Variants in SLC10A1 observed in about 807,000 individuals in gnomAD.
SLC10A1 encodes the protein hepatic sodium/bile acid cotransporter.
A neutral mutation model predicts 20.5 loss-of-function variants in SLC10A1; 36 were observed. The observed-to-expected ratio is 1.75, with a 90% CI of 1.34 to 2.32. SLC10A1 has a LOEUF of 2.32. Among genes scored for constraint, SLC10A1 ranks in the 30% most tolerant of loss-of-function variants. The pLI, the probability that SLC10A1 is intolerant of heterozygous loss-of-function variation, is 0.00. For missense variants in SLC10A1, 545 were observed against 439.1 expected, an observed-to-expected ratio of 1.24 and a Z score of -2.16; for synonymous variants, 188 against 163.6, an observed-to-expected ratio of 1.15 and a Z score of -1.14.
chr14:69,796,721 G>T, intron 1 of SLC10A1, 79 bp downstream of exon 1: 1 of 1,231,288 alleles, frequency 8.1e-7, no homozygotes, highest in Non-Finnish European at 1.1e-6. Context: ...CCTGGCTTTA[G>T]CCCAGCTCTT....
intron 2 of SLC10A1, among the ~76,000 whole-genome samples, chr14:69,783,224 G>A (rs914232679): frequency 1.3e-5 from 2 of 152,150 alleles, no homozygotes; most frequent in African/African-American, 4.8e-5. Flanking sequence ...TTTATTCTCA[G>A]GCATTAGCTA....
chr14:69,790,047 A>C (rs148119211), intron 1 of SLC10A1, among the ~76,000 whole-genome samples: 201 of 152,226 alleles, frequency 1.3e-3, no homozygotes, highest in African/African-American at 4.6e-3. Context: ...GAGAAAATGA[A>C]GATTTTAAAA....
chr14:69,786,787 G>C (rs1883726574), intron 1 of SLC10A1, among the ~76,000 whole-genome samples: 1 of 152,226 alleles, frequency 6.6e-6, no homozygotes, highest in African/African-American at 2.4e-5. Context: ...ATGGCTTCTT[G>C]TAGTGACTTT....
chr14:69,781,762 T>G (rs1230098531), intron 2 of SLC10A1, among the ~76,000 whole-genome samples: 1 of 152,222 alleles, frequency 6.6e-6, no homozygotes, highest in Non-Finnish European at 1.5e-5. Context: ...AGCCTTTGGA[T>G]AAACCCTTGC....
chr14:69,791,953 ATT>A (rs1233147956), intron 1 of SLC10A1, among the ~76,000 whole-genome samples: 13 of 144,500 alleles, frequency 9.0e-5, no homozygotes, highest in Non-Finnish European at 1.1e-4. Flanking sequence ...TAGACAGTAA[ATT>A]TTTTTTTTTT....
chr14:69,779,959 T>C (rs980547075), intron 2 of SLC10A1, among the ~76,000 whole-genome samples: 1 of 152,220 alleles, frequency 6.6e-6, no homozygotes, highest in African/African-American at 2.4e-5. Context: ...TGATTACAGA[T>C]AGGGATTTTA....
intron 2 of SLC10A1, among the ~76,000 whole-genome samples, chr14:69,780,190 C>T (rs17107278): frequency 0.095 from 14,403 of 152,196 alleles, 2,107 homozygotes; most frequent in African/African-American, 0.31. Context: ...TCATTGGAAA[C>T]TATGCAGGTC....
At chr14:69,784,960 C>T (rs1033122334) in intron 2 of SLC10A1, among the ~76,000 whole-genome samples, 3 of 152,110 alleles carry the variant, frequency 2.0e-5, no homozygotes, top group African/African-American at 7.2e-5. Context: ...AAAATAAAAC[C>T]CCCCTGAAAA....
chr14:69,783,098 C>T (rs1213727621), intron 2 of SLC10A1, among the ~76,000 whole-genome samples: 1 of 151,804 alleles, frequency 6.6e-6, no homozygotes, highest in African/African-American at 2.4e-5. Flanking sequence ...TCTTATGCAC[C>T]CCACAAACTA....
intron 1 of SLC10A1, among the ~76,000 whole-genome samples, chr14:69,791,402 G>A (rs1214468909): frequency 2.0e-5 from 3 of 151,908 alleles, no homozygotes; most frequent in Non-Finnish European, 4.4e-5. Flanking sequence ...CCGGGTTCAC[G>A]CCATTCTCCT....
intron 1 of SLC10A1, among the ~76,000 whole-genome samples, chr14:69,791,369 T>C (rs1356107132): frequency 6.6e-6 from 1 of 152,008 alleles, no homozygotes; most frequent in Non-Finnish European, 1.5e-5. Context: ...GGTGTGATCT[T>C]GGCTCACTGC....
intron 1 of SLC10A1, among the ~76,000 whole-genome samples, chr14:69,795,142 C>T (rs1882364454): frequency 6.6e-6 from 1 of 152,178 alleles, no homozygotes; most frequent in Non-Finnish European, 1.5e-5. Context: ...TGTCCAGAAG[C>T]CAGATCCAAG....
At chr14:69,783,097 C>T (rs562589130) in intron 2 of SLC10A1, among the ~76,000 whole-genome samples, 13 of 152,202 alleles carry the variant, frequency 8.5e-5, no homozygotes, top group Admixed American at 2.6e-4. Flanking sequence ...ATCTTATGCA[C>T]CCCACAAACT....
rs202150129 is a variant in SLC10A1 at position 69,793,694 on chromosome 14, TC to T, written c.356+3105del. Among the ~76,000 whole-genome samples the T allele has an allele frequency of 1.9e-3, 294 of 152,250 alleles. 5 individuals carry two copies. Among genetic ancestry groups the T allele is most frequent in the East Asian group, 6.2e-3 (32 of 5,168 alleles). Reference sequence around the variant, plus strand: ...GCTTGGGTTGTGTCCAAGCCCATTGTCCCCATGGCCATTGGCTCTGGGCTCT... The same window carrying T: ...GCTTGGGTTGTGTCCAAGCCCATTGTCCCATGGCCATTGGCTCTGGGCTCT... On this transcript the variant is annotated intron_variant, in intron 1 of 4. Transcript: ENST00000216540.
At chr14:69,779,609 C>T (rs183927384) in intron 2 of SLC10A1, among the ~76,000 whole-genome samples, 1 of 152,334 alleles carries the variant, frequency 6.6e-6, no homozygotes, top group Non-Finnish European at 1.5e-5. Context: ...TAGCGGTCCT[C>T]CTGCCTTGGC....
intron 1 of SLC10A1, among the ~76,000 whole-genome samples, chr14:69,789,281 C>T (rs942150191): frequency 6.6e-6 from 1 of 152,176 alleles, no homozygotes; most frequent in Non-Finnish European, 1.5e-5. Context: ...ATTATTCATA[C>T]TAGGGAACAA....
At position 69,775,914 on chromosome 14, in the gene SLC10A1, A is replaced by G. The variant is rs1883434550; in HGVS notation, c.*368T>C. 1 of 166,818 alleles carries G rather than the reference A, an allele frequency of 6.0e-6. No homozygotes were observed. The highest frequency in any genetic ancestry group is 2.4e-5 in the African/African-American group (1 of 41,966). The allele number at this position is 166,818 out of a possible 1,614,324, so 10.3% of individuals were successfully genotyped here. On this transcript the variant is annotated 3_prime_UTR_variant, in exon 5 of 5. Coordinates refer to ENST00000216540, the MANE Select transcript of SLC10A1 (RefSeq NM_003049.4). ...TTTGGGTCACAAAACTTGGAATGGG[A>G]TTTGGGTATTTGAGTAATGGGTTAA...
intron 1 of SLC10A1, among the ~76,000 whole-genome samples, chr14:69,793,099 A>AG (rs1882311744): frequency 6.6e-6 from 1 of 152,078 alleles, no homozygotes; most frequent in Non-Finnish European, 1.5e-5. Flanking sequence ...GCCAAACACA[A>AG]CTTGTGTGTT....
chr14:69,779,115 T>C, intron 3 of SLC10A1, 67 bp downstream of exon 3: 1 of 1,213,906 alleles, frequency 8.2e-7, no homozygotes, highest in African/African-American at 1.5e-5. Context: ...GAGCTGAGAA[T>C]GTGCTACTCC....
Sources: gnomAD v4.1 joint callset for allele counts (sites outside exome capture counted in the v4.1 genomes callset) on GRCh38, gnomAD v4.1.1 for gene constraint, MANE v1.5 for transcripts, NCBI Gene and HGNC (gene_info 2026-07-23, HGNC 2026-07-21) for gene names.